SMURF1: variants seen among roughly 807,000 people sequenced by gnomAD.
The protein encoded by SMURF1 is SMAD specific E3 ubiquitin protein ligase 1.
Under a neutral mutation model 98.0 loss-of-function variants are expected in SMURF1, and 44 were observed. The ratio of observed to expected loss-of-function variants is 0.45; its 90% CI spans 0.35 to 0.58. The LOEUF is 0.58. Among genes scored for constraint, SMURF1 ranks in the 20% least tolerant of loss-of-function variants. The pLI, the probability that SMURF1 is intolerant of heterozygous loss-of-function variation, is 0.00. For missense variants in SMURF1, 687 were observed against 938.4 expected (o/e 0.73, Z 3.50); for synonymous variants, 396 against 374.9 (o/e 1.06, Z -0.65).
chr7:99,060,336 G>A (rs1425136698), intron 3 of SMURF1, among the ~76,000 whole-genome samples: 8 of 141,172 alleles, frequency 5.7e-5, no homozygotes, highest in South Asian at 2.2e-4. Flanking sequence ...CTGAGATCAC[G>A]CCACCGCACT....
intron 14 of SMURF1, 86 bp from the exon 15 acceptor site, chr7:99,037,273 T>A (rs1028463226): frequency 2.8e-5 from 44 of 1,558,224 alleles, no homozygotes; most frequent in Non-Finnish European, 3.6e-5. Flanking sequence ...GGTCTCACTC[T>A]GTCACCCAGG....
At chr7:99,138,148 A>G (rs909775490) in intron 1 of SMURF1, among the ~76,000 whole-genome samples, 3 of 151,906 alleles carry the variant, frequency 2.0e-5, no homozygotes, top group Non-Finnish European at 4.4e-5. Flanking sequence ...AAAAAAAATT[A>G]GCCTCTAAAA....
At chr7:99,086,426 A>T (rs1185824082) in intron 1 of SMURF1, among the ~76,000 whole-genome samples, 1 of 152,038 alleles carries the variant, frequency 6.6e-6, no homozygotes, top group East Asian at 1.9e-4. Context: ...AGGGGCAAGG[A>T]TATGGAGAAA....
chr7:99,131,150 G>A (rs976479419), intron 1 of SMURF1, among the ~76,000 whole-genome samples: 1 of 152,186 alleles, frequency 6.6e-6, no homozygotes, highest in African/African-American at 2.4e-5. Flanking sequence ...GGGCTTTTCA[G>A]TGAAGTCACT....
At chr7:99,077,236 C>G (rs967402176) in intron 1 of SMURF1, among the ~76,000 whole-genome samples, 2 of 151,488 alleles carry the variant, frequency 1.3e-5, no homozygotes, top group Admixed American at 1.3e-4. Flanking sequence ...AAAGTAAAAG[C>G]TTACTTTTTA....
In SMURF1 at chr7:99,037,059, G is replaced by T. The variant is rs764047494; in HGVS notation, c.1809+8C>A. 3.1e-6 allele frequency: 5 copies of T among 1,613,578 alleles called. No individual in the cohort carries two copies. Among genetic ancestry groups the T allele is most frequent in the Non-Finnish European group, 4.2e-6 (5 of 1,179,980 alleles). On this transcript the variant is annotated splice_region_variant and intron_variant, in intron 15 of 17. Transcript: ENST00000361368. ...GCCCTGGGTCGACTCCGCACAGCAGGCACATACCTCCAGTTCCTTCTGGTC... is the reference window on the plus strand; with the variant it reads ...GCCCTGGGTCGACTCCGCACAGCAGTCACATACCTCCAGTTCCTTCTGGTC...
At position 99,057,599 on chromosome 7, in the gene SMURF1, TG is replaced by T. The variant is rs68187725; in HGVS notation, c.204-49del. 2.0e-3 allele frequency: 2,559 copies of T among 1,256,280 alleles called. 17 individuals carry two copies. In the African/African-American group the frequency reaches 0.03, roughly 15 times the overall value. The allele number at this position is 1,256,280 out of a possible 1,614,324, so 77.8% of individuals were successfully genotyped here. On this transcript the variant is annotated intron_variant, in intron 3 of 17. Coordinates refer to ENST00000361368, the MANE Select transcript of SMURF1 (RefSeq NM_181349.3). ...ATTTTTAATTGTGTTTGGTTTTTTT[TG>T]TTTTGTTTTTTTTTTTTTTTGAGAT...
chr7:99,105,913 T>C lies in SMURF1; in HGVS notation c.55+37813A>G, dbSNP rs184966249. On this transcript the variant is annotated intron_variant, in intron 1 of 17. Transcript: ENST00000361368. The stretch of plus-strand genomic sequence containing the variant: ...CCAAGTGCTATTCTACTTCCAAGCC[T>C]TTGCTCAATCTATTTGCATTACTTA... 1.4e-3 allele frequency among the ~76,000 whole-genome samples: 220 copies of C among 152,338 alleles called. 2 individuals carry two copies. The highest frequency in any genetic ancestry group is 1.4e-3 in the Non-Finnish European group (96 of 68,030).
Position 99,028,319 on chromosome 7 carries a change from G to A in SMURF1, c.*2265C>T, listed in dbSNP as rs1214465544. ...GGAGTGCAGTGCCACCGACAGGGAG[G>A]CCTGTTTGGAAAGAGTGAACCGGAG... On this transcript the variant is annotated 3_prime_UTR_variant, in exon 18 of 18. Coordinates refer to ENST00000361368, the MANE Select transcript of SMURF1 (RefSeq NM_181349.3). 1 of 152,294 alleles carries A rather than the reference G, an allele frequency of 6.6e-6. No homozygotes were observed. Among genetic ancestry groups the A allele is most frequent in the African/African-American group, 2.4e-5 (1 of 41,458 alleles). The allele number at this position is 152,294 out of a possible 1,614,324, so 9.4% of individuals were successfully genotyped here.
At chr7:99,095,469 G>C (rs921459444) in intron 1 of SMURF1, among the ~76,000 whole-genome samples, 1 of 152,168 alleles carries the variant, frequency 6.6e-6, no homozygotes, top group Admixed American at 6.6e-5. Flanking sequence ...TCTTAAGGTA[G>C]CAATTATGGT....
intron 1 of SMURF1, among the ~76,000 whole-genome samples, chr7:99,088,954 C>G (rs12670726): frequency 2.0e-5 from 3 of 152,252 alleles, no homozygotes; most frequent in Non-Finnish European, 2.9e-5. Flanking sequence ...GCCTGTAATC[C>G]TAGCACTATG....
intron 3 of SMURF1, 78 bp downstream of exon 3, chr7:99,060,519 TTC>T (rs1796007123): frequency 4.6e-6 from 4 of 862,838 alleles, no homozygotes; most frequent in Non-Finnish European, 6.9e-6. Context: ...TTTTTTTTTT[TTC>T]TCTTGGATGT....
chr7:99,126,433 G>A (rs1055519359), intron 1 of SMURF1, among the ~76,000 whole-genome samples: 47 of 151,552 alleles, frequency 3.1e-4, no homozygotes, highest in African/African-American at 1.1e-3. Flanking sequence ...TGAGGCAGGC[G>A]GATCACGAGG....
chr7:99,111,262 A>G (rs970013789), intron 1 of SMURF1, among the ~76,000 whole-genome samples: 4 of 152,246 alleles, frequency 2.6e-5, no homozygotes, highest in Non-Finnish European at 5.9e-5. Context: ...ATCCAAAATC[A>G]TAAGAGAAAA....
rs575228194 is a variant in SMURF1, at chr7:99,121,700, C to G, written c.55+22026G>C. Among the ~76,000 whole-genome samples the G allele has an allele frequency of 2.0e-5, 3 of 152,312 alleles. No individual in the cohort carries two copies. In the South Asian group the frequency reaches 6.2e-4, roughly 32 times the overall value. On this transcript the variant is annotated intron_variant, in intron 1 of 17. Transcript: ENST00000361368. ...GTTAGCTTGTCCTTTCCCAAGAGGT[C>G]TCTTTTCAAACTCGGTTTGATAGGC... is the stretch of plus-strand genomic sequence containing the variant.
intron 1 of SMURF1, among the ~76,000 whole-genome samples, chr7:99,076,779 G>A (rs373312103): frequency 5.3e-5 from 8 of 152,194 alleles, no homozygotes; most frequent in East Asian, 1.9e-4. Context: ...GTGTGTATGC[G>A]TATGTACATG....
At chr7:99,078,151 A>C (rs1449241461) in intron 1 of SMURF1, among the ~76,000 whole-genome samples, 4 of 152,086 alleles carry the variant, frequency 2.6e-5, no homozygotes, top group African/African-American at 9.7e-5. Context: ...AATACAAAAA[A>C]ATTAGCCAGG....
intron 1 of SMURF1, among the ~76,000 whole-genome samples, chr7:99,132,742 C>T (rs1273161120): frequency 1.3e-5 from 2 of 150,754 alleles, no homozygotes; most frequent in Non-Finnish European, 1.5e-5. Flanking sequence ...ATAATTCATG[C>T]AAAAGCCCTT....
chr7:99,039,646 G>A (rs1422013653), intron 13 of SMURF1, among the ~76,000 whole-genome samples: 1 of 152,104 alleles, frequency 6.6e-6, no homozygotes. Context: ...GGGATAATAG[G>A]CATGAGCCAC....
Sources: gnomAD v4.1 joint callset for allele counts (sites outside exome capture counted in the v4.1 genomes callset) on GRCh38, gnomAD v4.1.1 for gene constraint, MANE v1.5 for transcripts, NCBI Gene and HGNC (gene_info 2026-07-23, HGNC 2026-07-21) for gene names.